The following KLF12 variants were observed in gnomAD, a reference collection of about 807,000 sequenced individuals.
KLF12 encodes Krueppel-like factor 12.
In KLF12, 9 loss-of-function variants were observed where a neutral mutation model predicts 37.8. That is an observed-to-expected ratio of 0.24 (90% CI 0.14 to 0.42). KLF12 has a LOEUF of 0.42. Among genes scored for constraint, KLF12 ranks in the 10% least tolerant of loss-of-function variants. The pLI is 1.00. For synonymous variants in KLF12, 208 were observed against 202.1 expected (o/e 1.03, Z -0.25); for missense variants, 411 against 516.0 (o/e 0.80, Z 1.97).
intron 1 of KLF12, among the ~76,000 whole-genome samples, chr13:74,069,877 T>C (rs1874129272): frequency 6.6e-6 from 1 of 152,170 alleles, no homozygotes; most frequent in South Asian, 2.1e-4. Flanking sequence ...TTAATAAAAA[T>C]AGGAAATGAA....
At chr13:73,725,595 GA>G (rs200367758) in intron 6 of KLF12, among the ~76,000 whole-genome samples, 16,978 of 145,480 alleles carry the variant, frequency 0.12, 1,959 homozygotes, top group African/African-American at 0.3. Context: ...TATCTTTAAG[GA>G]AAAAAAAAAA....
chr13:73,743,272 G>A (rs557987494), intron 6 of KLF12, among the ~76,000 whole-genome samples: 1 of 152,308 alleles, frequency 6.6e-6, no homozygotes, highest in South Asian at 2.1e-4. Flanking sequence ...GGAGTGAGGA[G>A]TTAGGCATAT....
chr13:73,905,067 A>G (rs1888212297), intron 3 of KLF12, among the ~76,000 whole-genome samples: 1 of 152,078 alleles, frequency 6.6e-6, no homozygotes, highest in Non-Finnish European at 1.5e-5. Context: ...TCATGGCTGT[A>G]TAAAGACCTA....
Position 73,729,396 on chromosome 13 carries a change from A to G in KLF12, c.870-13871T>C, listed in dbSNP as rs1876897037. On this transcript the variant is annotated intron_variant, in intron 6 of 7. Coordinates refer to ENST00000377669, the MANE Select transcript of KLF12 (RefSeq NM_007249.5). ...CTGTAAAATACTGCATGGTATAATAATGGCTTCTATAGCACCAAACATAAG... is the reference window on the plus strand; with the variant it reads ...CTGTAAAATACTGCATGGTATAATAGTGGCTTCTATAGCACCAAACATAAG... Among the ~76,000 whole-genome samples the G allele has an allele frequency of 8.5e-5, 13 of 152,226 alleles. 1 individual carries two copies. In the South Asian group the frequency reaches 2.7e-3, roughly 32 times the overall value.
chr13:74,048,688 T>G lies in KLF12; in HGVS notation c.-31-53635A>C, dbSNP rs143509449. Among the ~76,000 whole-genome samples, 461 of 152,184 alleles carry G rather than the reference T, an allele frequency of 3.0e-3. 6 individuals are homozygous for G. The highest frequency in any genetic ancestry group is 0.01 in the African/African-American group (426 of 41,512). ...AAAGCCCTGGTAAAACATAAATAAC[T>G]GACAGAAAGGGAAACTTAAATGGCC... On this transcript the variant is annotated intron_variant, in intron 1 of 7. Transcript: ENST00000377669.
intron 6 of KLF12, among the ~76,000 whole-genome samples, chr13:73,758,326 G>T (rs1231681484): frequency 2.0e-5 from 3 of 152,146 alleles, no homozygotes; most frequent in African/African-American, 4.8e-5. Flanking sequence ...AGTAAATCAT[G>T]ATTTCAGACT....
intron 2 of KLF12, among the ~76,000 whole-genome samples, chr13:73,982,740 G>T (rs766845555): frequency 1.3e-5 from 2 of 152,148 alleles, no homozygotes; most frequent in African/African-American, 2.4e-5. Context: ...GCCATGGAGA[G>T]TAACTGCTTA....
At chr13:73,842,955 A>G (rs1884819101) in intron 4 of KLF12, among the ~76,000 whole-genome samples, 1 of 152,256 alleles carries the variant, frequency 6.6e-6, no homozygotes, top group African/African-American at 2.4e-5. Flanking sequence ...TCAGTTAAGC[A>G]ATAAAAAAGT....
At chr13:74,157,682 C>T in the KLF12 span, among the ~76,000 whole-genome samples, 1 of 152,210 alleles carries the variant, frequency 6.6e-6, no homozygotes, top group African/African-American at 2.4e-5. Flanking sequence ...CCAGACCAGT[C>T]ATTAAGCTTC....
intron 1 of KLF12, among the ~76,000 whole-genome samples, chr13:74,033,019 TTA>T (rs1893153025): frequency 6.6e-6 from 1 of 152,190 alleles, no homozygotes; most frequent in South Asian, 2.1e-4. Context: ...CCCATGGGTG[TTA>T]TAAAAAATGC....
intron 6 of KLF12, among the ~76,000 whole-genome samples, chr13:73,722,319 A>C (rs1026719911): frequency 1.2e-4 from 18 of 152,204 alleles, no homozygotes; most frequent in African/African-American, 3.9e-4. Context: ...TCACATGAAC[A>C]AGCCAGATAT....
chr13:73,914,531 A>G (rs183011491), intron 3 of KLF12, among the ~76,000 whole-genome samples: 6 of 152,348 alleles, frequency 3.9e-5, no homozygotes, highest in Non-Finnish European at 8.8e-5. Context: ...TTACAGAAAA[A>G]AACAAATTCT....
At chr13:74,135,714 G>T (rs1023486681), upstream of KLF12, among the ~76,000 whole-genome samples, 1 of 152,088 alleles carries the variant, frequency 6.6e-6, no homozygotes, top group African/African-American at 2.4e-5. Flanking sequence ...CCCCGGCCCG[G>T]CCCGCCCCGC....
chr13:73,738,130 C>CGTGT (rs1877654530), intron 6 of KLF12, among the ~76,000 whole-genome samples: 1 of 80,060 alleles, frequency 1.2e-5, no homozygotes, highest in African/African-American at 5.3e-5. Flanking sequence ...TATATACACA[C>CGTGT]ACACACATAT....
the KLF12 span, among the ~76,000 whole-genome samples, chr13:74,153,163 A>G: frequency 6.6e-6 from 1 of 152,048 alleles, no homozygotes; most frequent in Non-Finnish European, 1.5e-5. Flanking sequence ...CAAATGATAT[A>G]AATGTAAGAG....
intron 4 of KLF12, among the ~76,000 whole-genome samples, chr13:73,839,929 T>G (rs1306036990): frequency 6.6e-6 from 1 of 152,194 alleles, no homozygotes; most frequent in Non-Finnish European, 1.5e-5. Context: ...CTTGAGAACC[T>G]AATGCCTCTC....
chr13:74,238,796 T>A, the KLF12 span, among the ~76,000 whole-genome samples: 11 of 152,292 alleles, frequency 7.2e-5, no homozygotes, highest in Middle Eastern at 3.4e-3. Context: ...ATCCCCTTTA[T>A]CATTTTTTAT....
chr13:74,253,144 C>G, the KLF12 span, among the ~76,000 whole-genome samples: 1 of 152,112 alleles, frequency 6.6e-6, no homozygotes, highest in African/African-American at 2.4e-5. Context: ...AATATCTATG[C>G]TTTTAGAGTT....
intron 4 of KLF12, among the ~76,000 whole-genome samples, chr13:73,839,291 C>T (rs1385226287): frequency 2.8e-5 from 4 of 143,906 alleles, no homozygotes; most frequent in African/African-American, 1.0e-4. Context: ...TTGGTAGAGA[C>T]AAGGTTTCAC....
Sources: gnomAD v4.1 joint callset for allele counts (sites outside exome capture counted in the v4.1 genomes callset) on GRCh38, gnomAD v4.1.1 for gene constraint, MANE v1.5 for transcripts, NCBI Gene and HGNC (gene_info 2026-07-23, HGNC 2026-07-21) for gene names.